RIT2: variants seen among roughly 807,000 people sequenced by gnomAD.
RIT2 encodes Ras like without CAAX 2.
Under a neutral mutation model 23.7 loss-of-function variants are expected in RIT2, and 24 were observed. The ratio of observed to expected loss-of-function variants is 1.01; its 90% CI spans 0.73 to 1.43. RIT2 has a LOEUF of 1.43. Ranked by LOEUF, RIT2 falls within the 40% of genes most tolerant of loss-of-function variation. The probability of loss-of-function intolerance (pLI) is 0.00; values close to 1 mark genes in which losing one functional copy is unlikely to be tolerated. For synonymous variants in RIT2, 107 were observed against 91.1 expected (o/e 1.17, Z -0.99); for missense variants, 236 against 266.9 (o/e 0.88, Z 0.81).
rs564341340 is a variant in RIT2 at position 42,753,205 on chromosome 18, C to T, written c.427-9485G>A. Among the ~76,000 whole-genome samples, 3 of 152,326 alleles carry T rather than the reference C, an allele frequency of 2.0e-5. No homozygotes were observed. In the South Asian group the frequency reaches 6.2e-4, roughly 32 times the overall value. Reference sequence around the variant, plus strand: ...TGGCCAATTAGACTTTCAGTCCCAACAATCTGCTGACTTCAGGAGCTTTCT... The same window carrying T: ...TGGCCAATTAGACTTTCAGTCCCAATAATCTGCTGACTTCAGGAGCTTTCT... On this transcript the variant is annotated intron_variant, in intron 4 of 4. Coordinates refer to ENST00000326695, the MANE Select transcript of RIT2 (RefSeq NM_002930.4).
chr18:42,933,346 A>G (rs1909374241), intron 3 of RIT2, among the ~76,000 whole-genome samples: 1 of 152,170 alleles, frequency 6.6e-6, no homozygotes, highest in Non-Finnish European at 1.5e-5. Flanking sequence ...AATCAGCAAA[A>G]TTTTTGTTCC....
chr18:42,873,170 T>G (rs533447186), intron 4 of RIT2, among the ~76,000 whole-genome samples: 21 of 152,236 alleles, frequency 1.4e-4, no homozygotes, highest in African/African-American at 5.1e-4. Context: ...ATAAAATAAA[T>G]TGAGAATGTT....
intron 4 of RIT2, among the ~76,000 whole-genome samples, chr18:42,759,729 A>G (rs976816996): frequency 7.4e-6 from 1 of 134,626 alleles, no homozygotes; most frequent in Non-Finnish European, 1.6e-5. Flanking sequence ...ACACACACAC[A>G]CACACACACA....
intron 2 of RIT2, among the ~76,000 whole-genome samples, chr18:42,992,976 C>T (rs972856365): frequency 6.6e-6 from 1 of 152,182 alleles, no homozygotes; most frequent in South Asian, 2.1e-4. Flanking sequence ...AACCCCACAA[C>T]AGGACTTAAT....
intron 1 of RIT2, among the ~76,000 whole-genome samples, chr18:43,101,363 G>C (rs1381910926): frequency 6.6e-6 from 1 of 151,904 alleles, no homozygotes; most frequent in Non-Finnish European, 1.5e-5. Context: ...TTAAATTTTT[G>C]TCATTTTAAT....
intron 4 of RIT2, among the ~76,000 whole-genome samples, chr18:42,799,616 C>T (rs979096467): frequency 2.0e-5 from 3 of 152,154 alleles, no homozygotes; most frequent in African/African-American, 7.2e-5. Flanking sequence ...TCTTCAATGA[C>T]CACTTTCTTA....
intron 4 of RIT2, among the ~76,000 whole-genome samples, chr18:42,899,631 T>A (rs1277912567): frequency 1.3e-5 from 2 of 152,022 alleles, no homozygotes; most frequent in Non-Finnish European, 2.9e-5. Flanking sequence ...AATGCAAACC[T>A]GAGGTGCATT....
chr18:42,975,030 A>G (rs989241282), intron 2 of RIT2, among the ~76,000 whole-genome samples: 8 of 152,008 alleles, frequency 5.3e-5, no homozygotes, highest in African/African-American at 1.9e-4. Context: ...TATTTGAGAA[A>G]TTACCACACC....
At chr18:42,821,193 A>C in intron 4 of RIT2, among the ~76,000 whole-genome samples, 1 of 152,272 alleles carries the variant, frequency 6.6e-6, no homozygotes, top group African/African-American at 2.4e-5. Context: ...AAAAACGGAC[A>C]AATACAGACC....
intron 4 of RIT2, among the ~76,000 whole-genome samples, chr18:42,837,153 C>CTTTTCTT (rs1568008832): frequency 3.3e-4 from 17 of 51,694 alleles, no homozygotes; most frequent in South Asian, 9.2e-4. Flanking sequence ...TTTTCTTTTT[C>CTTTTCTT]TTTTTTTTTT....
intron 4 of RIT2, among the ~76,000 whole-genome samples, chr18:42,893,553 G>A (rs891330595): frequency 1.3e-5 from 2 of 152,130 alleles, no homozygotes; most frequent in African/African-American, 4.8e-5. Context: ...TCATACTTTT[G>A]CATTGGAGGT....
At chr18:43,105,842 A>G (rs1431092941) in intron 1 of RIT2, among the ~76,000 whole-genome samples, 7 of 152,220 alleles carry the variant, frequency 4.6e-5, no homozygotes. Context: ...AAAGACAAAT[A>G]TGGATTTCCT....
chr18:42,832,509 T>C (rs553062371), intron 4 of RIT2, among the ~76,000 whole-genome samples: 21 of 152,232 alleles, frequency 1.4e-4, no homozygotes, highest in African/African-American at 5.1e-4. Flanking sequence ...TGTAAAAAGA[T>C]CCTGAATGCA....
rs551718372 is a variant in RIT2, at chr18:43,030,930, G to A, written c.160+2881C>T. Among the ~76,000 whole-genome samples, 12 of 152,136 alleles carry A rather than the reference G, an allele frequency of 7.9e-5. No individual in the cohort carries two copies. The South Asian group carries it at 2.5e-3, about 32-fold the overall frequency. ...AACTAACAAATGGAAAAGTTAAGCA[G>A]GCTGTCAGTAATATTCATCTTTCTC... On this transcript the variant is annotated intron_variant, in intron 2 of 4. Transcript: ENST00000326695.
chr18:43,115,223 C>T (rs925599126), intron 1 of RIT2, among the ~76,000 whole-genome samples, 194 bp downstream of exon 1: 3 of 152,156 alleles, frequency 2.0e-5, no homozygotes, highest in Non-Finnish European at 2.9e-5. Flanking sequence ...TCATCACTGG[C>T]TGTCTGCATT....
chr18:42,935,092 T>G (rs1393490397), intron 3 of RIT2, among the ~76,000 whole-genome samples: 1 of 152,066 alleles, frequency 6.6e-6, no homozygotes, highest in Non-Finnish European at 1.5e-5. Context: ...GGTAATTAAA[T>G]AAAGAAACAG....
intron 4 of RIT2, among the ~76,000 whole-genome samples, chr18:42,775,057 T>C (rs920451289): frequency 1.3e-5 from 2 of 152,212 alleles, no homozygotes; most frequent in African/African-American, 4.8e-5. Context: ...TATCAGTTTA[T>C]ATTGATATAA....
chr18:43,112,660 T>C (rs1913981152), intron 1 of RIT2, among the ~76,000 whole-genome samples: 1 of 152,214 alleles, frequency 6.6e-6, no homozygotes, highest in East Asian at 1.9e-4. Context: ...TCCCAGCACT[T>C]TGGGGGGCTG....
chr18:42,951,962 C>T (rs530380489), intron 3 of RIT2, among the ~76,000 whole-genome samples: 2 of 152,248 alleles, frequency 1.3e-5, no homozygotes, highest in South Asian at 4.1e-4. Flanking sequence ...AAAGTCATGT[C>T]TTACATAGTA....
Sources: allele counts gnomAD v4.1 joint callset (sites outside exome capture counted in the v4.1 genomes callset), GRCh38; gene constraint gnomAD v4.1.1; transcripts MANE v1.5; gene names NCBI Gene and HGNC (gene_info 2026-07-23, HGNC 2026-07-21).